SERBP1: variants seen among roughly 807,000 people sequenced by gnomAD.
SERBP1 encodes SERPINE1 mRNA binding protein 1.
A neutral mutation model predicts 50.2 loss-of-function variants in SERBP1; 6 were observed. The ratio of observed to expected loss-of-function variants is 0.12; its 90% CI spans 0.07 to 0.24. The LOEUF is 0.24. SERBP1 is among the 10% of genes least tolerant of loss of function. The pLI is 1.00. For missense variants in SERBP1, 346 were observed against 524.9 expected (o/e 0.66, Z 3.33); for synonymous variants, 168 against 182.8 (o/e 0.92, Z 0.65).
intron 1 of SERBP1, among the ~76,000 whole-genome samples, chr1:67,426,620 G>A (rs1667389983): frequency 1.3e-5 from 2 of 152,040 alleles, no homozygotes; most frequent in African/African-American, 2.4e-5. Context: ...CATTATTCCC[G>A]TCACTTTCCA....
chr1:67,424,851 T>A (rs760491705), intron 4 of SERBP1, 37 bp downstream of exon 4: 1 of 1,503,004 alleles, frequency 6.7e-7, no homozygotes, highest in Non-Finnish European at 9.3e-7. Context: ...TAACCTCTAG[T>A]TAGGTATAGA....
At position 67,411,206 on chromosome 1, in the gene SERBP1, T is replaced by C. The variant is rs868031756; in HGVS notation, c.*2001A>G. 6.6e-6 allele frequency: 1 copy of C among 152,194 alleles called. No individual in the cohort carries two copies. Among genetic ancestry groups the C allele is most frequent in the African/African-American group, 2.4e-5 (1 of 41,450 alleles). The allele number at this position is 152,194 out of a possible 1,614,324, so 9.4% of individuals were successfully genotyped here. A position where few individuals can be genotyped will look rare whatever the true frequency, so the allele number is the denominator to read the frequency against. On this transcript the variant is annotated 3_prime_UTR_variant, in exon 8 of 8. Transcript: ENST00000361219. ...ACCAACTTTTTAAGTTCAGGCTATC[T>C]TGAAAGCTTGCAACATACCAGATAT...
At chr1:67,428,256 T>A (rs552884916) in intron 1 of SERBP1, among the ~76,000 whole-genome samples, 1 of 152,356 alleles carries the variant, frequency 6.6e-6, no homozygotes, top group African/African-American at 2.4e-5. Context: ...GAAAGACTCA[T>A]TGAACGGTGA....
chr1:67,413,355 A>T, intron 7 of SERBP1, 92 bp from the exon 8 acceptor site: 3 of 1,219,694 alleles, frequency 2.5e-6, no homozygotes, highest in Admixed American at 6.6e-5. Flanking sequence ...ACTCTAAAAA[A>T]ATCTTACTGT....
Position 67,411,734 on chromosome 1 carries a change from A to C in SERBP1, c.*1473T>G, listed in dbSNP as rs932876998. The C allele has an allele frequency of 6.6e-6, 1 of 152,242 alleles. No homozygotes were observed. The highest frequency in any genetic ancestry group is 6.5e-5 in the Admixed American group (1 of 15,288). The allele number at this position is 152,242 out of a possible 1,614,324, so 9.4% of individuals were successfully genotyped here. A position where few individuals can be genotyped will look rare whatever the true frequency, so the allele number is the denominator to read the frequency against. On this transcript the variant is annotated 3_prime_UTR_variant, in exon 8 of 8. Transcript: ENST00000361219. ...AAGATTGAAGATGTCCAATATTTTTAAAACTGGACATTACCATATACAGGT... is the reference window on the plus strand; with the variant it reads ...AAGATTGAAGATGTCCAATATTTTTCAAACTGGACATTACCATATACAGGT...
intron 6 of SERBP1, among the ~76,000 whole-genome samples, chr1:67,418,807 T>G (rs1313424981): frequency 6.6e-6 from 1 of 152,068 alleles, no homozygotes; most frequent in Non-Finnish European, 1.5e-5. Flanking sequence ...GGGTTTGCCC[T>G]CACAATATTT....
At chr1:67,419,477 T>C (rs1249857866) in intron 6 of SERBP1, among the ~76,000 whole-genome samples, 1 of 152,218 alleles carries the variant, frequency 6.6e-6, no homozygotes, top group Non-Finnish European at 1.5e-5. Flanking sequence ...AACCCACATA[T>C]ACTTTGGTTT....
At chr1:67,416,567 G>T (rs990450099) in intron 6 of SERBP1, among the ~76,000 whole-genome samples, 2 of 152,064 alleles carry the variant, frequency 1.3e-5, no homozygotes, top group Admixed American at 1.3e-4. Flanking sequence ...TTTTCTAAAG[G>T]GATAAAGAAC....
intron 1 of SERBP1, chr1:67,429,394 G>C (rs577462915): frequency 2.6e-5 from 4 of 152,378 alleles, no homozygotes; most frequent in Non-Finnish European, 5.9e-5. Context: ...TAACAGTTGA[G>C]AGGTGGAAGA....
chr1:67,425,763 A>G (rs568975146), intron 2 of SERBP1, among the ~76,000 whole-genome samples: 1 of 152,378 alleles, frequency 6.6e-6, no homozygotes, highest in Non-Finnish European at 1.5e-5. Context: ...AAATTAATAG[A>G]AACAATTAGC....
intron 6 of SERBP1, among the ~76,000 whole-genome samples, chr1:67,416,810 A>G (rs980881171): frequency 7.2e-5 from 11 of 152,258 alleles, no homozygotes; most frequent in African/African-American, 2.7e-4. Context: ...GGCTAGAAAC[A>G]TAAAAACAAA....
At position 67,415,092 on chromosome 1, in the gene SERBP1, C is replaced by T. The variant is rs77267348; in HGVS notation, c.1125+74G>A. The T allele has an allele frequency of 3.3e-4, 479 of 1,437,218 alleles. 5 individuals are homozygous for T. In the East Asian group the frequency reaches 0.012, roughly 35 times the overall value. 89.0% of individuals were successfully genotyped at this position (1,437,218 alleles called of 1,614,324 possible). ...CTTCTACTTATGTTCCCAAAAGTGACATAAGTCTGACCCAGCCAGTGACTT... is the reference window on the plus strand; with the variant it reads ...CTTCTACTTATGTTCCCAAAAGTGATATAAGTCTGACCCAGCCAGTGACTT... On this transcript the variant is annotated intron_variant, in intron 7 of 7. Transcript: ENST00000361219.
intron 7 of SERBP1, among the ~76,000 whole-genome samples, chr1:67,413,597 C>T (rs866977091): frequency 2.0e-5 from 3 of 147,328 alleles, no homozygotes; most frequent in Middle Eastern, 3.6e-3. Flanking sequence ...TGCAGTGAGC[C>T]GAGACTGTGC....
At chr1:67,423,343 A>C (rs1667265383) in intron 5 of SERBP1, among the ~76,000 whole-genome samples, 1 of 152,034 alleles carries the variant, frequency 6.6e-6, no homozygotes, top group African/African-American at 2.4e-5. Context: ...AAGGTGGCTC[A>C]CGCCTGTAAT....
chr1:67,424,292 T>C lies in SERBP1; in HGVS notation c.696-15A>G. ...GATCCAAGTCACTGTAATTATAAGATATTTGTTTCTGAATGTATTTGGGGG... is the reference window on the plus strand; with the variant it reads ...GATCCAAGTCACTGTAATTATAAGACATTTGTTTCTGAATGTATTTGGGGG... On this transcript the variant is annotated splice_polypyrimidine_tract_variant and intron_variant, in intron 4 of 7. Coordinates refer to ENST00000361219, the MANE Select transcript of SERBP1 (RefSeq NM_001018069.2). 1 of 1,610,230 alleles carries C rather than the reference T, an allele frequency of 6.2e-7. No individual in the cohort carries two copies. The highest frequency in any genetic ancestry group is 1.3e-5 in the African/African-American group (1 of 74,918).
rs1386652838 is a variant in SERBP1 at position 67,412,983 on chromosome 1, G to A, written c.*224C>T. 1 of 553,810 alleles carries A rather than the reference G, an allele frequency of 1.8e-6. No individual in the cohort carries two copies. Among genetic ancestry groups the A allele is most frequent in the African/African-American group, 2.0e-5 (1 of 49,696 alleles). The allele number at this position is 553,810 out of a possible 1,614,324, so 34.3% of individuals were successfully genotyped here. On this transcript the variant is annotated 3_prime_UTR_variant, in exon 8 of 8. Coordinates refer to ENST00000361219, the MANE Select transcript of SERBP1 (RefSeq NM_001018069.2). ...CTCTGAAAATTATGAAAACATCCCT[G>A]CTACCAATACATTTCTAAATACAAA...
At chr1:67,420,277 C>A (rs1667159123) in intron 5 of SERBP1, 91 bp from the exon 6 acceptor site, 3 of 1,128,134 alleles carry the variant, frequency 2.7e-6, no homozygotes, top group Non-Finnish European at 3.8e-6. Flanking sequence ...AGAAAATTAA[C>A]CTTGTAATCT....
rs1557497922 is a variant in SERBP1 at position 67,411,459 on chromosome 1, T to C, written c.*1748A>G. 6.6e-6 allele frequency: 1 copy of C among 152,176 alleles called. No individual in the cohort carries two copies. Among genetic ancestry groups the C allele is most frequent in the Non-Finnish European group, 1.5e-5 (1 of 68,012 alleles). 9.4% of individuals were successfully genotyped at this position (152,176 alleles called of 1,614,324 possible). A position where few individuals can be genotyped will look rare whatever the true frequency, so the allele number is the denominator to read the frequency against. ...AGTTCATATGGACTAAATTAATCTC[T>C]GGGTAGCACGTATGTGTGTAAATAT... On this transcript the variant is annotated 3_prime_UTR_variant, in exon 8 of 8. Coordinates refer to ENST00000361219, the MANE Select transcript of SERBP1 (RefSeq NM_001018069.2).
At chr1:67,424,347 G>A (rs1168670969) in intron 4 of SERBP1, 70 bp from the exon 5 acceptor site, 1 of 1,576,294 alleles carries the variant, frequency 6.3e-7, no homozygotes, top group Non-Finnish European at 8.6e-7. Flanking sequence ...AAAAAGAAAG[G>A]CATCTAGGTC....
Sources: gnomAD v4.1 joint callset for allele counts (sites outside exome capture counted in the v4.1 genomes callset) on GRCh38, gnomAD v4.1.1 for gene constraint, MANE v1.5 for transcripts, NCBI Gene and HGNC (gene_info 2026-07-23, HGNC 2026-07-21) for gene names.